Variants in LMO7 observed in about 807,000 individuals in gnomAD.
LMO7 encodes the protein LIM domain 7, also known as LIM domain only protein 7.
Under a neutral mutation model 206.5 loss-of-function variants are expected in LMO7, and 120 were observed. The ratio of observed to expected loss-of-function variants is 0.58; its 90% CI spans 0.50 to 0.68. The LOEUF (loss-of-function observed/expected upper bound fraction) is 0.68. Ranked by LOEUF, LMO7 falls within the 30% of genes least tolerant of loss-of-function variation. The pLI, the probability that LMO7 is intolerant of heterozygous loss-of-function variation, is 0.00. For missense variants in LMO7, 1,959 were observed against 1,957.9 expected (o/e 1.00, Z -0.01); for synonymous variants, 706 against 681.5 (o/e 1.04, Z -0.56).
chr13:75,844,441 G>A (rs192515753), intron 25 of LMO7, among the ~76,000 whole-genome samples: 1,650 of 145,474 alleles, frequency 0.011, 19 homozygotes, highest in Non-Finnish European at 0.016. Flanking sequence ...ACGTAGTCTC[G>A]CTCTGTCGCC....
intron 7 of LMO7, 68 bp from the exon 8 acceptor site, chr13:75,804,221 G>A (rs113552851): frequency 1.5e-5 from 22 of 1,492,728 alleles, no homozygotes; most frequent in Non-Finnish European, 1.6e-5. Flanking sequence ...CAAAGCAGGC[G>A]CGCTGTGTGG....
intron 2 of LMO7, among the ~76,000 whole-genome samples, chr13:75,718,729 T>TA (rs1241620004): frequency 6.6e-6 from 1 of 152,212 alleles, no homozygotes; most frequent in Admixed American, 6.5e-5. Context: ...TAATGACATG[T>TA]ACCCATCATT....
At chr13:75,705,127 C>T (rs889290039) in intron 1 of LMO7, among the ~76,000 whole-genome samples, 1 of 152,148 alleles carries the variant, frequency 6.6e-6, no homozygotes, top group Non-Finnish European at 1.5e-5. Context: ...AGGCTAATTA[C>T]AACCTCAGAG....
At chr13:75,770,683 A>G (rs1047680416) in intron 4 of LMO7, among the ~76,000 whole-genome samples, 5 of 152,156 alleles carry the variant, frequency 3.3e-5, no homozygotes, top group African/African-American at 1.2e-4. Flanking sequence ...TATAGCCTCC[A>G]GAGTATCTCA....
Position 75,841,539 on chromosome 13 carries a change from T to C in LMO7, c.3676-89T>C, listed in dbSNP as rs1036937650. The stretch of plus-strand genomic sequence containing the variant: ...GGAGTCCTGGGCCAACTATAGTTAG[T>C]AGCATCTAAAACTGAATATATATGT... On this transcript the variant is annotated intron_variant, in intron 23 of 30. Coordinates refer to ENST00000377534, the MANE Select transcript of LMO7 (RefSeq NM_001306080.2). 19 of 927,136 alleles carry C rather than the reference T, an allele frequency of 2.0e-5. No individual in the cohort carries two copies. In the Admixed American group the frequency reaches 5.0e-4, roughly 24 times the overall value. 57.4% of individuals were successfully genotyped at this position (927,136 alleles called of 1,614,324 possible). A position where few individuals can be genotyped will look rare whatever the true frequency, so the allele number is the denominator to read the frequency against.
rs749328214 is a variant in LMO7 at position 75,849,276 on chromosome 13, C to T, written c.4348C>T (p.Pro1450Ser). Residue 1450 changes from proline (P) to serine (S), a missense_variant, in exon 27 of 31, where the codon CCT (proline) becomes TCT (serine). Coordinates refer to ENST00000377534, the MANE Select transcript of LMO7 (RefSeq NM_001306080.2). ...TGTCAACAAAGAGCCTGTTAGTCTT[C>T]CTGGGATCATGAGAAGGTGCGAGAC... ...ASVNKEPVSL[P>S]GIMRRGESLD... 4 of 1,613,616 alleles carry T rather than the reference C, an allele frequency of 2.5e-6. No individual in the cohort carries two copies. In the African/African-American group the frequency reaches 5.3e-5, roughly 22 times the overall value.
chr13:75,651,038 G>C (rs1195609563), intron 1 of LMO7, among the ~76,000 whole-genome samples: 1 of 152,140 alleles, frequency 6.6e-6, no homozygotes, highest in Non-Finnish European at 1.5e-5. Flanking sequence ...AAAACTGCCT[G>C]TTTTAAAGCC....
chr13:75,843,361 G>T (rs1278916079), intron 25 of LMO7, among the ~76,000 whole-genome samples: 1 of 152,156 alleles, frequency 6.6e-6, no homozygotes, highest in Admixed American at 6.5e-5. Flanking sequence ...AAGGCATCTT[G>T]AGGTTTAAGT....
chr13:75,731,364 A>C (rs1325414336), intron 3 of LMO7, among the ~76,000 whole-genome samples: 1 of 152,042 alleles, frequency 6.6e-6, no homozygotes, highest in Admixed American at 6.6e-5. Flanking sequence ...TGTTGAATTG[A>C]TCCCTTTACC....
At chr13:75,711,010 C>T (rs7991902) in intron 1 of LMO7, among the ~76,000 whole-genome samples, 2 of 151,786 alleles carry the variant, frequency 1.3e-5, no homozygotes, top group African/African-American at 4.9e-5. Context: ...TAGCATGAAG[C>T]GTTGTTGAAT....
intron 2 of LMO7, among the ~76,000 whole-genome samples, chr13:75,721,328 A>C (rs772977186): frequency 6.6e-6 from 1 of 152,212 alleles, no homozygotes; most frequent in African/African-American, 2.4e-5. Flanking sequence ...ATTTTAATAA[A>C]TATCTGTAAA....
chr13:75,670,037 T>A (rs988122221), intron 1 of LMO7, among the ~76,000 whole-genome samples: 1 of 152,220 alleles, frequency 6.6e-6, no homozygotes, highest in African/African-American at 2.4e-5. Flanking sequence ...ACTTGCCTTT[T>A]ATAGGCCCTT....
upstream of LMO7, among the ~76,000 whole-genome samples, chr13:75,635,570 C>T (rs1055224948): frequency 6.6e-6 from 1 of 152,224 alleles, no homozygotes; most frequent in Non-Finnish European, 1.5e-5. Context: ...GGGCGATCAT[C>T]AAACGGCCTA....
At chr13:75,782,868 A>G (rs1164981449) in intron 4 of LMO7, among the ~76,000 whole-genome samples, 1 of 152,170 alleles carries the variant, frequency 6.6e-6, no homozygotes, top group Non-Finnish European at 1.5e-5. Context: ...ACCCACTGGG[A>G]TAATCCAGGA....
At chr13:75,731,159 G>T (rs2045159891) in intron 3 of LMO7, among the ~76,000 whole-genome samples, 1 of 152,134 alleles carries the variant, frequency 6.6e-6, no homozygotes, top group African/African-American at 2.4e-5. Flanking sequence ...CTGGTGCAGA[G>T]CCGAGTTCAA....
intron 1 of LMO7, among the ~76,000 whole-genome samples, chr13:75,658,434 G>C (rs967227863): frequency 1.2e-4 from 19 of 152,076 alleles, no homozygotes; most frequent in African/African-American, 4.6e-4. Flanking sequence ...TCTGTGAATA[G>C]AGCATATTTC....
intron 3 of LMO7, among the ~76,000 whole-genome samples, chr13:75,731,966 G>A (rs2045285578): frequency 6.6e-6 from 1 of 152,146 alleles, no homozygotes; most frequent in Non-Finnish European, 1.5e-5. Context: ...ACTCTCTTCT[G>A]GCTTGTAGAG....
At chr13:75,805,893 A>G (rs2055391193) in intron 9 of LMO7, 133 bp downstream of exon 9, 2 of 1,135,202 alleles carry the variant, frequency 1.8e-6, no homozygotes, top group East Asian at 4.7e-5. Context: ...TGCGGAACCT[A>G]TATAATGGAA....
intron 1 of LMO7, among the ~76,000 whole-genome samples, chr13:75,686,364 TA>T (rs1365480391): frequency 6.6e-6 from 1 of 152,104 alleles, no homozygotes; most frequent in African/African-American, 2.4e-5. Flanking sequence ...TCGTGAGACT[TA>T]ATCATCATCA....
Sources: gnomAD v4.1 joint callset for allele counts (sites outside exome capture counted in the v4.1 genomes callset) on GRCh38, gnomAD v4.1.1 for gene constraint, MANE v1.5 for transcripts, NCBI Gene and HGNC (gene_info 2026-07-23, HGNC 2026-07-21) for gene names.